Variants in COLGALT2 observed in about 807,000 individuals in gnomAD.
COLGALT2 encodes the protein procollagen galactosyltransferase 2.
In COLGALT2, 49 loss-of-function variants were observed where a neutral mutation model predicts 73.4. The observed-to-expected ratio is 0.67, with a 90% CI of 0.53 to 0.85. COLGALT2 has a LOEUF of 0.85. Among genes scored for constraint, COLGALT2 ranks in the 40% least tolerant of loss-of-function variants. COLGALT2 has a pLI of 0.00. For missense variants in COLGALT2, 722 were observed against 790.2 expected, an observed-to-expected ratio of 0.91 and a Z score of 1.03; for synonymous variants, 295 against 307.6, an observed-to-expected ratio of 0.96 and a Z score of 0.43.
chr1:183,989,486 A>G (rs765483622), intron 1 of COLGALT2, among the ~76,000 whole-genome samples: 15 of 152,176 alleles, frequency 9.9e-5, no homozygotes, highest in Non-Finnish European at 2.2e-4. Flanking sequence ...TCCCTGCTCT[A>G]TTCTCTGGAG....
At position 183,937,456 on chromosome 1, in the gene COLGALT2, G is replaced by C; in HGVS notation, c.*1305C>G. On this transcript the variant is annotated 3_prime_UTR_variant, in exon 12 of 12. Transcript: ENST00000361927. The stretch of plus-strand genomic sequence containing the variant: ...AAGAAAGCAGAAAGGACTCTTAGGG[G>C]ATATCTTTTGAGAAAGGGTGTCCGC... 2 of 985,862 alleles carry C rather than the reference G, an allele frequency of 2.0e-6. No individual in the cohort carries two copies. Among genetic ancestry groups the C allele is most frequent in the Non-Finnish European group, 2.4e-6 (2 of 830,232 alleles). 61.1% of individuals were successfully genotyped at this position (985,862 alleles called of 1,614,324 possible). A position where few individuals can be genotyped will look rare whatever the true frequency, so the allele number is the denominator to read the frequency against.
At chr1:184,001,121 C>G (rs568116333) in intron 1 of COLGALT2, among the ~76,000 whole-genome samples, 1 of 152,330 alleles carries the variant, frequency 6.6e-6, no homozygotes, top group African/African-American at 2.4e-5. Flanking sequence ...GCGTGAGCCA[C>G]CACGCCAGGC....
chr1:184,027,836 G>A (rs1572686895), intron 1 of COLGALT2, among the ~76,000 whole-genome samples: 1 of 152,204 alleles, frequency 6.6e-6, no homozygotes, highest in African/African-American at 2.4e-5. Flanking sequence ...GAAGAGGCTT[G>A]TACTTTTCTA....
intron 1 of COLGALT2, among the ~76,000 whole-genome samples, chr1:184,019,889 A>G (rs1649121377): frequency 6.6e-6 from 1 of 152,218 alleles, no homozygotes; most frequent in African/African-American, 2.4e-5. Context: ...AAGGAGAAGC[A>G]TAAGGGAACA....
chr1:184,006,739 A>G (rs893769945), intron 1 of COLGALT2, among the ~76,000 whole-genome samples: 4 of 152,206 alleles, frequency 2.6e-5, no homozygotes, highest in Non-Finnish European at 4.4e-5. Context: ...CTGATTCCAC[A>G]TCTTCACCAA....
intron 10 of COLGALT2, among the ~76,000 whole-genome samples, chr1:183,941,220 C>T (rs545875867): frequency 4.9e-4 from 74 of 152,318 alleles, no homozygotes; most frequent in Non-Finnish European, 7.4e-4. Flanking sequence ...CACAGCACTC[C>T]GAGTGCTGGT....
intron 1 of COLGALT2, among the ~76,000 whole-genome samples, chr1:184,029,477 C>A (rs574005942): frequency 2.6e-5 from 4 of 152,100 alleles, no homozygotes; most frequent in Non-Finnish European, 4.4e-5. Flanking sequence ...AGAAAGACAG[C>A]GGGGACTAAC....
At chr1:183,996,828 T>A (rs768236125) in intron 1 of COLGALT2, among the ~76,000 whole-genome samples, 1 of 152,222 alleles carries the variant, frequency 6.6e-6, no homozygotes, top group Non-Finnish European at 1.5e-5. Context: ...GTTGAGGAAA[T>A]GACCTATTAT....
rs1670005065 is a variant in COLGALT2 at position 183,938,016 on chromosome 1, A to C, written c.*745T>G. On this transcript the variant is annotated 3_prime_UTR_variant, in exon 12 of 12. Transcript: ENST00000361927. ...GCATCCTGACTCGAGTGGCCATAAT[A>C]AAAAAGCCAAACATTGAGTTTTTTC... 1.0e-6 allele frequency: 1 copy of C among 985,460 alleles called. No individual in the cohort carries two copies. Among genetic ancestry groups the C allele is most frequent in the East Asian group, 1.1e-4 (1 of 8,820 alleles). The allele number at this position is 985,460 out of a possible 1,614,324, so 61.0% of individuals were successfully genotyped here.
At chr1:183,982,164 A>G (rs1188767361) in intron 1 of COLGALT2, among the ~76,000 whole-genome samples, 1 of 152,186 alleles carries the variant, frequency 6.6e-6, no homozygotes, top group Non-Finnish European at 1.5e-5. Flanking sequence ...TGGACATTCC[A>G]TGGCCTGGAG....
chr1:183,953,872 G>A (rs1292804399), intron 7 of COLGALT2, among the ~76,000 whole-genome samples: 1 of 152,160 alleles, frequency 6.6e-6, no homozygotes, highest in African/African-American at 2.4e-5. Context: ...GTACTCTGGG[G>A]ACATGTACAT....
chr1:183,992,918 A>T (rs768109341), intron 1 of COLGALT2, among the ~76,000 whole-genome samples: 1 of 152,146 alleles, frequency 6.6e-6, no homozygotes, highest in African/African-American at 2.4e-5. Flanking sequence ...TCAATAATGT[A>T]TTTCTCCTCT....
At chr1:183,940,860 G>T in intron 10 of COLGALT2, 73 bp from the exon 11 acceptor site, 1 of 1,258,556 alleles carries the variant, frequency 7.9e-7, no homozygotes, top group Non-Finnish European at 1.2e-6. Flanking sequence ...GCACAGCTTT[G>T]GTTTACATAG....
intron 5 of COLGALT2, among the ~76,000 whole-genome samples, chr1:183,968,511 C>T (rs550848349): frequency 6.6e-6 from 1 of 152,326 alleles, no homozygotes; most frequent in South Asian, 2.1e-4. Context: ...TTCGGTGCCT[C>T]TTTATCTGTT....
chr1:183,930,711 C>T (rs1033513624), intron 11 of COLGALT2, among the ~76,000 whole-genome samples: 7 of 151,916 alleles, frequency 4.6e-5, no homozygotes, highest in South Asian at 2.1e-4. Flanking sequence ...TGAGCCACCA[C>T]GCCCAGCCAA....
At chr1:183,957,662 C>T (rs1000606975) in intron 6 of COLGALT2, among the ~76,000 whole-genome samples, 14 of 152,032 alleles carry the variant, frequency 9.2e-5, no homozygotes, top group African/African-American at 3.4e-4. Context: ...AATCTTCCGC[C>T]GCACAGCTCT....
chr1:184,015,560 G>A (rs1648971078), intron 1 of COLGALT2, among the ~76,000 whole-genome samples: 1 of 152,238 alleles, frequency 6.6e-6, no homozygotes, highest in African/African-American at 2.4e-5. Context: ...CCGCATGTTT[G>A]CACATCTTCT....
chr1:183,953,886 T>C (rs1229067673), intron 7 of COLGALT2, among the ~76,000 whole-genome samples: 1 of 152,200 alleles, frequency 6.6e-6, no homozygotes, highest in Non-Finnish European at 1.5e-5. Context: ...TGTACATATA[T>C]GTATGTATAT....
At chr1:183,999,389 T>C (rs1320062172) in intron 1 of COLGALT2, among the ~76,000 whole-genome samples, 1 of 152,156 alleles carries the variant, frequency 6.6e-6, no homozygotes, top group Non-Finnish European at 1.5e-5. Flanking sequence ...TTTACATTTA[T>C]GTATATGGGT....
Sources: gnomAD v4.1 joint callset for allele counts (sites outside exome capture counted in the v4.1 genomes callset) on GRCh38, gnomAD v4.1.1 for gene constraint, MANE v1.5 for transcripts, NCBI Gene and HGNC (gene_info 2026-07-23, HGNC 2026-07-21) for gene names.